The following ZNF529 variants were observed in gnomAD, a reference collection of about 807,000 sequenced individuals.
ZNF529 encodes the protein zinc finger protein 529.
In ZNF529, 11 loss-of-function variants were observed where a neutral mutation model predicts 10.1. The ratio of observed to expected loss-of-function variants is 1.09; its 90% CI spans 0.69 to 1.81. The LOEUF is 1.81. Among genes scored for constraint, ZNF529 ranks in the 40% most tolerant of loss-of-function variants. The pLI, the probability that ZNF529 is intolerant of heterozygous loss-of-function variation, is 0.00. For missense variants in ZNF529, 624 were observed against 666.8 expected, an observed-to-expected ratio of 0.94 and a Z score of 0.71; for synonymous variants, 204 against 215.7, an observed-to-expected ratio of 0.95 and a Z score of 0.47.
At chr19:36,601,449 G>A (rs2036922428) in intron 1 of ZNF529, among the ~76,000 whole-genome samples, 1 of 152,040 alleles carries the variant, frequency 6.6e-6, no homozygotes, top group Admixed American at 6.6e-5. Flanking sequence ...CTACTTGGAA[G>A]GCTGAGGTGG....
chr19:36,598,252 G>A (rs758880670), intron 1 of ZNF529, among the ~76,000 whole-genome samples: 5 of 152,162 alleles, frequency 3.3e-5, no homozygotes, highest in Non-Finnish European at 5.9e-5. Context: ...GCTCATGCCT[G>A]TAATCCCAGC....
chr19:36,557,308 G>A (rs2035515258), intron 2 of ZNF529, among the ~76,000 whole-genome samples: 1 of 152,132 alleles, frequency 6.6e-6, no homozygotes, highest in Admixed American at 6.6e-5. Flanking sequence ...AAATAATCCA[G>A]AGAGTCCATT....
At position 36,544,721 on chromosome 19, in the gene ZNF529, A is replaced by G. The variant is rs906235949; in HGVS notation, c.*2145T>C. The G allele has an allele frequency of 1.3e-5, 2 of 152,238 alleles. No individual in the cohort carries two copies. The highest frequency in any genetic ancestry group is 2.9e-5 in the Non-Finnish European group (2 of 68,038). The allele number at this position is 152,238 out of a possible 1,614,324, so 9.4% of individuals were successfully genotyped here. Reference sequence around the variant, plus strand: ...TGTGTAGGACATGAAACAACAACCAATTACATATCTTTTAAAACTACTTGA... The same window carrying G: ...TGTGTAGGACATGAAACAACAACCAGTTACATATCTTTTAAAACTACTTGA... On this transcript the variant is annotated 3_prime_UTR_variant, in exon 5 of 5. Coordinates refer to ENST00000591340, the MANE Select transcript of ZNF529 (RefSeq NM_020951.5).
At chr19:36,598,934 T>G (rs1279662928) in intron 1 of ZNF529, among the ~76,000 whole-genome samples, 2 of 152,208 alleles carry the variant, frequency 1.3e-5, no homozygotes, top group Non-Finnish European at 2.9e-5. Context: ...AGCCTGCAAA[T>G]GTAATTAGTC....
rs983291079 is a variant in ZNF529, at chr19:36,546,481, G to A, written c.*385C>T. 1.1e-4 allele frequency: 19 copies of A among 166,562 alleles called. No individual in the cohort carries two copies. Among genetic ancestry groups the A allele is most frequent in the African/African-American group, 4.6e-4 (19 of 41,620 alleles). The allele number at this position is 166,562 out of a possible 1,614,324, so 10.3% of individuals were successfully genotyped here. On this transcript the variant is annotated 3_prime_UTR_variant, in exon 5 of 5. Coordinates refer to ENST00000591340, the MANE Select transcript of ZNF529 (RefSeq NM_020951.5). ...TGACTAGGAGTGCTAACTCTGTGGAGGAAAATAAGTAAGTATAGATATCAC... is the reference window on the plus strand; with the variant it reads ...TGACTAGGAGTGCTAACTCTGTGGAAGAAAATAAGTAAGTATAGATATCAC...
chr19:36,599,865 CT>C (rs888031537), intron 1 of ZNF529, among the ~76,000 whole-genome samples: 290 of 144,506 alleles, frequency 2.0e-3, no homozygotes, highest in Middle Eastern at 3.6e-3. Context: ...CTTGCACATT[CT>C]TTTTTTTTTT....
At chr19:36,588,784 C>T (rs578210715) in intron 2 of ZNF529, among the ~76,000 whole-genome samples, 1 of 152,272 alleles carries the variant, frequency 6.6e-6, no homozygotes, top group African/African-American at 2.4e-5. Context: ...GTGCCTCCAA[C>T]AATATGCCCC....
At chr19:36,580,836 T>G (rs927175510) in intron 2 of ZNF529, 8 of 151,658 alleles carry the variant, frequency 5.3e-5, no homozygotes. Context: ...AATACAAATT[T>G]TAAAATACAG....
chr19:36,594,905 G>GTCTT (rs1443615516), intron 1 of ZNF529, among the ~76,000 whole-genome samples: 1 of 150,108 alleles, frequency 6.7e-6, no homozygotes, highest in African/African-American at 2.5e-5. Flanking sequence ...TTGAGATGGA[G>GTCTT]TCTTGCTCTG....
intron 2 of ZNF529, chr19:36,580,495 T>A (rs2036439501): frequency 6.6e-6 from 1 of 152,202 alleles, no homozygotes; most frequent in African/African-American, 2.4e-5. Context: ...GTGATAGGAA[T>A]TTTTCAGCTC....
chr19:36,562,220 A>G (rs541905749), intron 2 of ZNF529, among the ~76,000 whole-genome samples: 54 of 152,124 alleles, frequency 3.5e-4, no homozygotes, highest in African/African-American at 1.2e-3. Flanking sequence ...CCCAGGGGAA[A>G]AAAAAAAAGA....
At chr19:36,557,696 T>C (rs1262998999) in intron 2 of ZNF529, among the ~76,000 whole-genome samples, 1 of 152,150 alleles carries the variant, frequency 6.6e-6, no homozygotes, top group Non-Finnish European at 1.5e-5. Flanking sequence ...CAAGTACCAA[T>C]AACAAGCCCT....
At chr19:36,568,520 G>A (rs2035981908) in intron 2 of ZNF529, among the ~76,000 whole-genome samples, 1 of 150,126 alleles carries the variant, frequency 6.7e-6, no homozygotes, top group Non-Finnish European at 1.5e-5. Flanking sequence ...CATCTAGGCT[G>A]GAGTGCAGTG....
At chr19:36,585,662 A>C (rs2036564343) in intron 2 of ZNF529, among the ~76,000 whole-genome samples, 1 of 152,212 alleles carries the variant, frequency 6.6e-6, no homozygotes, top group Admixed American at 6.5e-5. Flanking sequence ...GTAAACCATA[A>C]GGCACTCTGC....
upstream of ZNF529, among the ~76,000 whole-genome samples, chr19:36,575,134 T>A (rs151181540): frequency 7.2e-5 from 11 of 152,348 alleles, no homozygotes; most frequent in African/African-American, 2.6e-4. Context: ...CTGTGCTAAT[T>A]GTTATTTATC....
At chr19:36,592,215 G>A (rs2036735290) in intron 1 of ZNF529, among the ~76,000 whole-genome samples, 1 of 150,386 alleles carries the variant, frequency 6.6e-6, no homozygotes, top group Non-Finnish European at 1.5e-5. Flanking sequence ...AACCCGGGAG[G>A]CGGAGGTTGC....
chr19:36,583,720 CAGT>C (rs2036520686), intron 2 of ZNF529, among the ~76,000 whole-genome samples: 1 of 151,836 alleles, frequency 6.6e-6, no homozygotes, highest in Admixed American at 6.6e-5. Flanking sequence ...TAAAAAGAAT[CAGT>C]AGATTTAAAA....
chr19:36,582,079 A>ATTACTGG (rs1361178065), intron 2 of ZNF529: 2 of 152,156 alleles, frequency 1.3e-5, no homozygotes, highest in East Asian at 3.9e-4. Context: ...ATCAGAAAGT[A>ATTACTGG]TTACTGGTCT....
rs764210844 is a variant in ZNF529 at position 36,547,140 on chromosome 19, C to T, written c.1418G>A (p.Ser473Asn). The T allele has an allele frequency of 1.9e-6, 3 of 1,612,768 alleles. No homozygotes were observed. Among genetic ancestry groups the T allele is most frequent in the Non-Finnish European group, 2.5e-6 (3 of 1,179,624 alleles). Residue 473 changes from serine to asparagine, a missense_variant, in exon 5 of 5, where the codon AGT (serine) becomes AAT (asparagine). Coordinates refer to ENST00000591340, the MANE Select transcript of ZNF529 (RefSeq NM_020951.5). ...SALIQHQRIH[S>N]GEKPYECKVC... ...CTTACATTCATAAGGTTTCTCACCA[C>T]TATGAATTCTTTGATGTTGAATAAG...
Sources: allele counts gnomAD v4.1 joint callset (sites outside exome capture counted in the v4.1 genomes callset), GRCh38; gene constraint gnomAD v4.1.1; transcripts MANE v1.5; gene names NCBI Gene and HGNC (gene_info 2026-07-23, HGNC 2026-07-21).